The following NRBP2 variants were observed in gnomAD, a reference collection of about 807,000 sequenced individuals.
NRBP2 encodes the protein nuclear receptor-binding protein 2.
A neutral mutation model predicts 74.4 loss-of-function variants in NRBP2; 47 were observed. The observed-to-expected ratio is 0.63, with a 90% CI of 0.50 to 0.81. The LOEUF (loss-of-function observed/expected upper bound fraction) is 0.81, where lower values mean the gene tolerates loss of function less well. NRBP2 is among the 30% of genes least tolerant of loss of function. The pLI, the probability that NRBP2 is intolerant of heterozygous loss-of-function variation, is 0.00. For synonymous variants in NRBP2, 312 were observed against 273.8 expected, an observed-to-expected ratio of 1.14 and a Z score of -1.38; for missense variants, 613 against 690.1, an observed-to-expected ratio of 0.89 and a Z score of 1.25.
At chr8:143,838,592 G>A in intron 10 of NRBP2, 88 bp downstream of exon 10, 1 of 941,426 alleles carries the variant, frequency 1.1e-6, no homozygotes, top group Non-Finnish European at 1.6e-6. Flanking sequence ...CACAAACTGT[G>A]ATGTTCTCCC....
At chr8:143,836,280 G>C (rs1818381191) in intron 14 of NRBP2, 100 bp from the exon 15 acceptor site, 1 of 1,411,258 alleles carries the variant, frequency 7.1e-7, no homozygotes, top group African/African-American at 1.5e-5. Context: ...GGAAAGGGGG[G>C]AATCTCTAAG....
At position 143,839,620 on chromosome 8, in the gene NRBP2, C is replaced by G; in HGVS notation, c.445-71G>C. 1 of 1,507,070 alleles carries G rather than the reference C, an allele frequency of 6.6e-7. No homozygotes were observed. The highest frequency in any genetic ancestry group is 8.8e-7 in the Non-Finnish European group (1 of 1,132,940). The allele number at this position is 1,507,070 out of a possible 1,614,324, so 93.4% of individuals were successfully genotyped here. A position where few individuals can be genotyped will look rare whatever the true frequency, so the allele number is the denominator to read the frequency against. Reference sequence around the variant, plus strand: ...GGCGGCTGGGCCTGCGGAGCCCGCCCCGCATCCTCGCCCAGCCCCTGTCCG... The same window carrying G: ...GGCGGCTGGGCCTGCGGAGCCCGCCGCGCATCCTCGCCCAGCCCCTGTCCG... On this transcript the variant is annotated intron_variant, in intron 4 of 17. Coordinates refer to ENST00000442628, the MANE Select transcript of NRBP2 (RefSeq NM_178564.4). The surrounding 1 kb of genome is among the most constrained non-coding windows in gnomAD (Gnocchi z 5.1).
chr8:143,839,187 G>T lies in NRBP2; in HGVS notation c.589C>A (p.Arg197=). The T allele has an allele frequency of 6.5e-7, 1 of 1,528,490 alleles. No individual in the cohort carries two copies. The allele number at this position is 1,528,490 out of a possible 1,614,324, so 94.7% of individuals were successfully genotyped here. The change falls in exon 7 of 18, where the codon CGA becomes AGA. Residue 197 remains arginine, a synonymous_variant. Transcript: ENST00000442628. The surrounding 1 kb of genome is among the most constrained non-coding windows in gnomAD (Gnocchi z 5.1). ...CCGCACTTACCATTGGAGAAGATTCGGTGCCACACTGCCAAGGGGCGGGAG... is the reference window on the plus strand; with the variant it reads ...CCGCACTTACCATTGGAGAAGATTCTGTGCCACACTGCCAAGGGGCGGGAG... ...GLIKIGSVWH[R]IFSNALPDDL...
chr8:143,832,878 TG>T (rs1818212770), downstream of NRBP2, among the ~76,000 whole-genome samples: 1 of 152,252 alleles, frequency 6.6e-6, no homozygotes, highest in Non-Finnish European at 1.5e-5. Context: ...CTTTTGTCTC[TG>T]TGTCTTTTTC....
In NRBP2 at chr8:143,840,055, G is replaced by T. The variant is rs1423449516; in HGVS notation, c.253-25C>A. 6.5e-7 allele frequency: 1 copy of T among 1,536,190 alleles called. No individual in the cohort carries two copies. The highest frequency in any genetic ancestry group is 8.7e-7 in the Non-Finnish European group (1 of 1,146,916). The stretch of plus-strand genomic sequence containing the variant: ...CCTGGGGAGGGAGGGTGGTCGCTGG[G>T]TGGTCAGCAGGTGGTCACCCAAGCA... On this transcript the variant is annotated intron_variant, in intron 2 of 17. Coordinates refer to ENST00000442628, the MANE Select transcript of NRBP2 (RefSeq NM_178564.4). The surrounding 1 kb of genome is among the most constrained non-coding windows in gnomAD (Gnocchi z 5.7).
In NRBP2 at chr8:143,837,783, G is replaced by C. The variant is rs1554652361; in HGVS notation, c.841-28C>G. 2 of 1,554,002 alleles carry C rather than the reference G, an allele frequency of 1.3e-6. No homozygotes were observed. Among genetic ancestry groups the C allele is most frequent in the Non-Finnish European group, 1.7e-6 (2 of 1,148,318 alleles). ...GGGGCACAGGGAGGAGAGGCTGGTG[G>C]TGTGCAAGGGCTCTCTGCTCTGGCC... On this transcript the variant is annotated intron_variant, in intron 10 of 17. Coordinates refer to ENST00000442628, the MANE Select transcript of NRBP2 (RefSeq NM_178564.4). This position sits in a 1 kb window ranked among gnomAD's most constrained non-coding sequence, Gnocchi z 4.3.
Position 143,839,845 on chromosome 8 carries a change from G to C in NRBP2, c.355-20C>G. ...GATGACCTGCACGGTGCGAGCTCAG[G>C]ATTTCCACCAGCTGCGGGTTCGTCC... On this transcript the variant is annotated intron_variant, in intron 3 of 17. Coordinates refer to ENST00000442628, the MANE Select transcript of NRBP2 (RefSeq NM_178564.4). This position sits in a 1 kb window ranked among gnomAD's most constrained non-coding sequence, Gnocchi z 5.1. 2 of 1,535,948 alleles carry C rather than the reference G, an allele frequency of 1.3e-6. No individual in the cohort carries two copies. Among genetic ancestry groups the C allele is most frequent in the South Asian group, 2.4e-5 (2 of 84,052 alleles).
chr8:143,837,611 C>A lies in NRBP2; in HGVS notation c.973+12G>T. 4.4e-6 allele frequency: 7 copies of A among 1,599,858 alleles called. No individual in the cohort carries two copies. The highest frequency in any genetic ancestry group is 1.1e-5 in the South Asian group (1 of 88,614). On this transcript the variant is annotated intron_variant, in intron 11 of 17. Coordinates refer to ENST00000442628, the MANE Select transcript of NRBP2 (RefSeq NM_178564.4). The surrounding 1 kb of genome is among the most constrained non-coding windows in gnomAD (Gnocchi z 4.3). ...CCTCCCCAGCCACCCCCCGGGCCGG[C>A]CTGCTGCTCACACTGGTGCTGGATG...
In NRBP2 at chr8:143,837,370, TG is replaced by T; in HGVS notation, c.1076+36del. 1.9e-6 allele frequency: 2 copies of T among 1,026,148 alleles called. No individual in the cohort carries two copies. Among genetic ancestry groups the T allele is most frequent in the Non-Finnish European group, 2.6e-6 (2 of 755,070 alleles). The allele number at this position is 1,026,148 out of a possible 1,614,324, so 63.6% of individuals were successfully genotyped here. A position where few individuals can be genotyped will look rare whatever the true frequency, so the allele number is the denominator to read the frequency against. On this transcript the variant is annotated intron_variant, in intron 12 of 17. Coordinates refer to ENST00000442628, the MANE Select transcript of NRBP2 (RefSeq NM_178564.4). The surrounding 1 kb of genome is among the most constrained non-coding windows in gnomAD (Gnocchi z 4.3). ...GGAGGGGAGGTGCGGGGAGGGGAGG[TG>T]TGGGGAGGGGAGGCTTCTGGGTGCT...
chr8:143,837,016 G>T lies in NRBP2; in HGVS notation c.1263+23C>A. The T allele has an allele frequency of 6.2e-7, 1 of 1,603,136 alleles. No individual in the cohort carries two copies. Among genetic ancestry groups the T allele is most frequent in the Admixed American group, 1.8e-5 (1 of 56,240 alleles). ...GTTAGAAGGTCTGAGGGATGGCACT[G>T]AGCAGCAGGAGAGGGGACTCACCTT... On this transcript the variant is annotated intron_variant, in intron 14 of 17. Transcript: ENST00000442628. This position sits in a 1 kb window ranked among gnomAD's most constrained non-coding sequence, Gnocchi z 4.3.
Position 143,840,343 on chromosome 8 carries a change from G to C in NRBP2, c.130-114C>G. ...CCCAAGCGTGGGCTGCAGGCCCTGA[G>C]CCACTCTGCGGGAAGGTGGGGCTTG... On this transcript the variant is annotated intron_variant, in intron 1 of 17. Coordinates refer to ENST00000442628, the MANE Select transcript of NRBP2 (RefSeq NM_178564.4). The surrounding 1 kb of genome is among the most constrained non-coding windows in gnomAD (Gnocchi z 5.7). The C allele has an allele frequency of 7.2e-7, 1 of 1,383,564 alleles. No individual in the cohort carries two copies. Among genetic ancestry groups the C allele is most frequent in the Non-Finnish European group, 9.7e-7 (1 of 1,031,922 alleles). The allele number at this position is 1,383,564 out of a possible 1,614,324, so 85.7% of individuals were successfully genotyped here. A position where few individuals can be genotyped will look rare whatever the true frequency, so the allele number is the denominator to read the frequency against.
intron 9 of NRBP2, 30 bp downstream of exon 9, chr8:143,838,853 A>G (rs1014586170): frequency 3.1e-6 from 5 of 1,613,268 alleles, no homozygotes; most frequent in Non-Finnish European, 4.2e-6. Context: ...GGAGGAGGGC[A>G]GAGCACAAGG....
rs1554651247 is a variant in NRBP2 at position 143,835,570 on chromosome 8, T to G, written c.*92A>C. 9.2e-7 allele frequency: 1 copy of G among 1,082,506 alleles called. No individual in the cohort carries two copies. Among genetic ancestry groups the G allele is most frequent in the Admixed American group, 2.5e-5 (1 of 39,488 alleles). 67.1% of individuals were successfully genotyped at this position (1,082,506 alleles called of 1,614,324 possible). A position where few individuals can be genotyped will look rare whatever the true frequency, so the allele number is the denominator to read the frequency against. The stretch of plus-strand genomic sequence containing the variant: ...CGGGGCCTTTGTGCTCCCAGGCGCA[T>G]GGAGGAGGGCAGCCCCACGGTGCTG... On this transcript the variant is annotated 3_prime_UTR_variant, in exon 18 of 18. Coordinates refer to ENST00000442628, the MANE Select transcript of NRBP2 (RefSeq NM_178564.4). This position sits in a 1 kb window ranked among gnomAD's most constrained non-coding sequence, Gnocchi z 4.9.
chr8:143,830,238 G>C (rs1385139456), downstream of NRBP2, among the ~76,000 whole-genome samples: 1 of 152,264 alleles, frequency 6.6e-6, no homozygotes, highest in African/African-American at 2.4e-5. Context: ...AAAGAGCTGG[G>C]ATATTGCAGA....
rs782577229 is a variant in NRBP2 at position 143,836,181 on chromosome 8, C to T, written c.1264-1G>A. 2 of 1,555,148 alleles carry T rather than the reference C, an allele frequency of 1.3e-6. No homozygotes were observed. Among genetic ancestry groups the T allele is most frequent in the Non-Finnish European group, 1.7e-6 (2 of 1,157,552 alleles). ...CCAGGTTGCACTGCATCTGGATGAC[C>T]TGCAGCGGGGGAAGGCTGGGACTCA... On this transcript the variant is annotated splice_acceptor_variant, in intron 14 of 17. Transcript: ENST00000442628. LOFTEE classifies it high-confidence loss of function.
chr8:143,839,984 G>C lies in NRBP2; in HGVS notation c.299C>G (p.Pro100Arg). The change falls in exon 3 of 18, where the codon CCG (proline) becomes CGG (arginine). Residue 100 changes from proline to arginine, a missense_variant. Transcript: ENST00000442628. This position sits in a 1 kb window ranked among gnomAD's most constrained non-coding sequence, Gnocchi z 5.1. ...GTACTTGTGCAACTTCACGATGTTC[G>C]GGTGGTCCACCAGCACCAGCTGCTC... The part of the protein sequence containing the change: ...VFEQLVLVDH[P>R]NIVKLHKYWL... The C allele has an allele frequency of 6.5e-7, 1 of 1,536,122 alleles. No individual in the cohort carries two copies. Among genetic ancestry groups the C allele is most frequent in the African/African-American group, 1.4e-5 (1 of 73,152 alleles).
chr8:143,839,736 C>G lies in NRBP2; in HGVS notation c.444G>C (p.Arg148=). 1 of 1,535,902 alleles carries G rather than the reference C, an allele frequency of 6.5e-7. No homozygotes were observed. Among genetic ancestry groups the G allele is most frequent in the Non-Finnish European group, 8.7e-7 (1 of 1,146,734 alleles). The change falls in exon 4 of 18, where the codon CGG becomes CGC. Residue 148 remains arginine, a splice_region_variant and synonymous_variant. Coordinates refer to ENST00000442628, the MANE Select transcript of NRBP2 (RefSeq NM_178564.4). This position sits in a 1 kb window ranked among gnomAD's most constrained non-coding sequence, Gnocchi z 5.1. ...TKKNHKAMNA[R]AWKRWCTQIL... is the part of the protein sequence containing the mutation. The stretch of plus-strand genomic sequence containing the variant: ...GGCTGCCCCAGCCCGCTCCCCATAC[C>G]CGGGCGTTCATGGCCTTGTGGTTCT...
chr8:143,832,528 T>C (rs1259397365), downstream of NRBP2, among the ~76,000 whole-genome samples: 1 of 152,252 alleles, frequency 6.6e-6, no homozygotes, highest in South Asian at 2.1e-4. Context: ...ATATAAAACC[T>C]GATTGCATGC....
chr8:143,840,783 G>C lies in NRBP2; in HGVS notation c.52C>G (p.Arg18Gly). 1.3e-6 allele frequency: 2 copies of C among 1,504,270 alleles called. No homozygotes were observed. The highest frequency in any genetic ancestry group is 1.8e-6 in the Non-Finnish European group (2 of 1,132,434). The allele number at this position is 1,504,270 out of a possible 1,614,324, so 93.2% of individuals were successfully genotyped here. ...PRRAREREREREDESEDESDI... is the reference protein window; with the variant it reads ...PRRAREREREGEDESEDESDI... ...CTCTCGTCCTCGCTCTCGTCCTCCCGCTCCCGCTCCCGTTCCCGGGCCCGC... is the reference window on the plus strand; with the variant it reads ...CTCTCGTCCTCGCTCTCGTCCTCCCCCTCCCGCTCCCGTTCCCGGGCCCGC... The change falls in exon 1 of 18, where the codon CGG (arginine) becomes GGG (glycine). Residue 18 changes from arginine to glycine, a missense_variant. By Grantham distance (125) the Arg-to-Gly change is moderately radical. Coordinates refer to ENST00000442628, the MANE Select transcript of NRBP2 (RefSeq NM_178564.4). This position sits in a 1 kb window ranked among gnomAD's most constrained non-coding sequence, Gnocchi z 5.7.
Sources: allele counts gnomAD v4.1 joint callset (sites outside exome capture counted in the v4.1 genomes callset), GRCh38; gene constraint gnomAD v4.1.1; non-coding constraint Gnocchi (gnomAD v3.1); transcripts MANE v1.5; gene names NCBI Gene and HGNC (gene_info 2026-07-23, HGNC 2026-07-21).